Variants in PAX2 observed in about 807,000 individuals in gnomAD.
The protein encoded by PAX2 is paired box 2.
PAX2 carries 9 observed loss-of-function variants against 41.7 expected under a neutral mutation model. That is an observed-to-expected ratio of 0.22 (90% CI 0.13 to 0.38). The LOEUF is 0.38. Among genes scored for constraint, PAX2 ranks in the 10% least tolerant of loss-of-function variants. The pLI, the probability that PAX2 is intolerant of heterozygous loss-of-function variation, is 1.00. For synonymous variants in PAX2, 221 were observed against 212.7 expected (o/e 1.04, Z -0.34); for missense variants, 418 against 531.6 (o/e 0.79, Z 2.10).
At chr10:100,739,559 G>A (rs1844883908) in intron 1 of PAX2, among the ~76,000 whole-genome samples, 2 of 152,208 alleles carry the variant, frequency 1.3e-5, no homozygotes, top group African/African-American at 4.8e-5. Context: ...CCGGTCGCGC[G>A]CGCTCACCCG....
Position 100,827,831 on chromosome 10 carries a change from A to G in PAX2, c.*212A>G. 1.5e-6 allele frequency: 1 copy of G among 686,314 alleles called. No homozygotes were observed. 42.5% of individuals were successfully genotyped at this position (686,314 alleles called of 1,614,324 possible). A position where few individuals can be genotyped will look rare whatever the true frequency, so the allele number is the denominator to read the frequency against. ...GGGTGGAGCCGTGGGCGGGACCCTC[A>G]GGCCCGGGCCCGCCGCCCCCAGCCC... On this transcript the variant is annotated 3_prime_UTR_variant, in exon 10 of 10. Transcript: ENST00000355243. This position sits in a 1 kb window ranked among gnomAD's most constrained non-coding sequence, Gnocchi z 8.5.
chr10:100,771,979 G>A (rs1846228413), intron 3 of PAX2, among the ~76,000 whole-genome samples: 1 of 151,936 alleles, frequency 6.6e-6, no homozygotes, highest in Admixed American at 6.6e-5. Flanking sequence ...GCTAATTTTT[G>A]TATTTTTAGT....
Position 100,748,454 on chromosome 10 carries a change from A to AG in PAX2, c.44-1286dup, listed in dbSNP as rs1440711899. 1.0e-6 allele frequency: 1 copy of AG among 984,430 alleles called. No homozygotes were observed. The highest frequency in any genetic ancestry group is 1.2e-6 in the Non-Finnish European group (1 of 829,734). The allele number at this position is 984,430 out of a possible 1,614,324, so 61.0% of individuals were successfully genotyped here. ...CCGAGAAAGGGAGGGGAGAGAAATG[A>AG]GGGGGGCACAGATGTCCCCGCTTTC... is the stretch of plus-strand genomic sequence containing the variant. On this transcript the variant is annotated intron_variant, in intron 1 of 9. Transcript: ENST00000355243. The surrounding 1 kb of genome is among the most constrained non-coding windows in gnomAD (Gnocchi z 5.0).
intron 3 of PAX2, 24 bp from the exon 4 acceptor site, chr10:100,779,474 G>A (rs1282328432): frequency 2.6e-6 from 4 of 1,563,462 alleles, no homozygotes; most frequent in Non-Finnish European, 3.5e-6. Context: ...TTTGATGTGT[G>A]ATGCTGTTGT....
At chr10:100,787,227 G>A (rs1030697070) in intron 5 of PAX2, among the ~76,000 whole-genome samples, 1 of 152,072 alleles carries the variant, frequency 6.6e-6, no homozygotes, top group South Asian at 2.1e-4. Context: ...CTGAGGCCCC[G>A]GTGGCCTGGA....
At chr10:100,764,584 GA>G (rs1845954595) in intron 3 of PAX2, among the ~76,000 whole-genome samples, 1 of 152,052 alleles carries the variant, frequency 6.6e-6, no homozygotes. Context: ...TGTATTTCCA[GA>G]AAAAAAGACC....
At chr10:100,821,220 A>G (rs1292304930) in intron 7 of PAX2, among the ~76,000 whole-genome samples, 2 of 152,238 alleles carry the variant, frequency 1.3e-5, no homozygotes, top group African/African-American at 4.8e-5. Flanking sequence ...AGAAGAATAT[A>G]TGGCAAGAGT....
chr10:100,737,264 A>C (rs1278050281), intron 1 of PAX2, among the ~76,000 whole-genome samples: 6 of 152,144 alleles, frequency 3.9e-5, no homozygotes, highest in African/African-American at 1.4e-4. Context: ...GGGAAAGAGA[A>C]GGCAGTGTGA....
At chr10:100,781,574 C>T (rs371981292) in intron 5 of PAX2, among the ~76,000 whole-genome samples, 8 of 152,312 alleles carry the variant, frequency 5.3e-5, no homozygotes, top group South Asian at 2.1e-4. Flanking sequence ...TCAGCAGCCC[C>T]GGCTGCCTCA....
At position 100,746,021 on chromosome 10, in the gene PAX2, G is replaced by A; in HGVS notation, c.-240G>A. On this transcript the variant is annotated 5_prime_UTR_variant, in exon 1 of 10. Transcript: ENST00000355243. ...CCGGGGCCATTCTGCTGACCGCCCAGCCCCGAGCCCCGACAGTGGCAAGTT... is the reference window on the plus strand; with the variant it reads ...CCGGGGCCATTCTGCTGACCGCCCAACCCCGAGCCCCGACAGTGGCAAGTT... 7.1e-7 allele frequency: 1 copy of A among 1,415,962 alleles called. No homozygotes were observed. Among genetic ancestry groups the A allele is most frequent in the Non-Finnish European group, 9.2e-7 (1 of 1,091,694 alleles). 87.7% of individuals were successfully genotyped at this position (1,415,962 alleles called of 1,614,324 possible).
At chr10:100,764,136 A>AT (rs145391942) in intron 3 of PAX2, among the ~76,000 whole-genome samples, 6,551 of 103,718 alleles carry the variant, frequency 0.063, 250 homozygotes, top group South Asian at 0.096. Flanking sequence ...CAAACATTGA[A>AT]TTTTTTTTTT....
At chr10:100,747,790 C>A (rs1276001286) in intron 1 of PAX2, 1 of 984,926 alleles carries the variant, frequency 1.0e-6, no homozygotes, top group Non-Finnish European at 1.2e-6. Flanking sequence ...CGGAAAGCCT[C>A]GGTCCTTTTC....
chr10:100,827,491 T>C lies in PAX2; in HGVS notation c.1109-52T>C. Reference sequence around the variant, plus strand: ...TCTGTGCTTTTCTTTCCTTTTTTGTTCTCCTGTTTGTCCTCTCACCCAGCC... The same window carrying C: ...TCTGTGCTTTTCTTTCCTTTTTTGTCCTCCTGTTTGTCCTCTCACCCAGCC... On this transcript the variant is annotated intron_variant, in intron 9 of 9. Coordinates refer to ENST00000355243, the MANE Select transcript of PAX2 (RefSeq NM_000278.5). This position sits in a 1 kb window ranked among gnomAD's most constrained non-coding sequence, Gnocchi z 8.5. 6.4e-7 allele frequency: 1 copy of C among 1,572,428 alleles called. No individual in the cohort carries two copies. The highest frequency in any genetic ancestry group is 8.8e-7 in the Non-Finnish European group (1 of 1,142,210).
At chr10:100,789,389 A>T (rs1469954193) in intron 5 of PAX2, among the ~76,000 whole-genome samples, 1 of 152,194 alleles carries the variant, frequency 6.6e-6, no homozygotes, top group African/African-American at 2.4e-5. Context: ...TACAGGCATG[A>T]GCGACTGTGC....
At chr10:100,749,570 C>A in intron 1 of PAX2, 176 bp from the exon 2 acceptor site, 1 of 1,408,872 alleles carries the variant, frequency 7.1e-7, no homozygotes. Flanking sequence ...AGCGTCTGTG[C>A]TTCCAGTCCC....
chr10:100,766,141 A>C (rs1846021149), intron 3 of PAX2, among the ~76,000 whole-genome samples: 1 of 152,244 alleles, frequency 6.6e-6, no homozygotes, highest in East Asian at 1.9e-4. Flanking sequence ...GAACCCATGC[A>C]GTCCTGGCTC....
At chr10:100,742,843 C>CTTTTTTT (rs61627823), upstream of PAX2, among the ~76,000 whole-genome samples, 22 of 41,252 alleles carry the variant, frequency 5.3e-4, 4 homozygotes, top group Non-Finnish European at 7.6e-4. Context: ...TTCTTTCTTC[C>CTTTTTTT]TTTTTTTTTT....
Position 100,786,640 on chromosome 10 carries a change from G to T in PAX2, c.616+5275G>T, listed in dbSNP as rs12781220. 9.8e-3 allele frequency among the ~76,000 whole-genome samples: 1,495 copies of T among 152,258 alleles called. 14 individuals are homozygous for T. Among genetic ancestry groups the T allele is most frequent in the Non-Finnish European group, 0.015 (1,019 of 68,018 alleles). On this transcript the variant is annotated intron_variant, in intron 5 of 9. Transcript: ENST00000355243. ...GAGAGTGCCGGGTGTGACTGTGTGA[G>T]CGGGGAGAGCTCTAAGCCAGGCCTC... is the stretch of plus-strand genomic sequence containing the variant.
At chr10:100,810,104 G>A (rs1190373813) in intron 7 of PAX2, among the ~76,000 whole-genome samples, 1 of 152,224 alleles carries the variant, frequency 6.6e-6, no homozygotes, top group Non-Finnish European at 1.5e-5. Flanking sequence ...CAGGATGATT[G>A]AGAAGGGTCT....
Sources: gnomAD v4.1 joint callset for allele counts (sites outside exome capture counted in the v4.1 genomes callset) on GRCh38, gnomAD v4.1.1 for gene constraint, Gnocchi (gnomAD v3.1) non-coding constraint, MANE v1.5 for transcripts, NCBI Gene and HGNC (gene_info 2026-07-23, HGNC 2026-07-21) for gene names.